Variants in ANKLE2 observed in about 807,000 individuals in gnomAD.
The protein encoded by ANKLE2 is ankyrin repeat and LEM domain containing 2, also known as ankyrin repeat and LEM domain-containing protein 2.
In ANKLE2, 55 loss-of-function variants were observed where a neutral mutation model predicts 84.2. The observed-to-expected ratio is 0.65, with a 90% confidence interval of 0.53 to 0.82. The LOEUF (loss-of-function observed/expected upper bound fraction) is 0.82. Among genes scored for constraint, ANKLE2 ranks in the 40% least tolerant of loss-of-function variants. The pLI is 0.00. For synonymous variants in ANKLE2, 551 were observed against 486.1 expected, an observed-to-expected ratio of 1.13 and a Z score of -1.76; for missense variants, 1,238 against 1,201.9, an observed-to-expected ratio of 1.03 and a Z score of -0.44.
chr12:132,732,947 T>G (rs1467373901), intron 10 of ANKLE2, among the ~76,000 whole-genome samples: 11 of 128,316 alleles, frequency 8.6e-5, no homozygotes, highest in African/African-American at 1.0e-4. Context: ...CGTGTGAAGC[T>G]CTCTGCGTCC....
At chr12:132,759,289 C>T (rs1017778772) in intron 1 of ANKLE2, 1 of 152,212 alleles carries the variant, frequency 6.6e-6, no homozygotes, top group African/African-American at 2.4e-5. Context: ...CAAGTTTAAC[C>T]ATTTGAGTTA....
chr12:132,741,376 C>T (rs370411720), intron 7 of ANKLE2, 43 bp downstream of exon 7: 1 of 1,601,390 alleles, frequency 6.2e-7, no homozygotes, highest in Non-Finnish European at 8.6e-7. Context: ...AAGGCCCTTC[C>T]CGGCGTGGAC....
chr12:132,747,876 T>C lies in ANKLE2; in HGVS notation c.1186A>G (p.Ile396Val). 1 of 1,611,582 alleles carries C rather than the reference T, an allele frequency of 6.2e-7. No individual in the cohort carries two copies. Among genetic ancestry groups the C allele is most frequent in the Non-Finnish European group, 8.5e-7 (1 of 1,179,382 alleles). ...AGGTACAGGTCCACCACGTAACGGA[T>C]ACGCTTCTGCAGCATGGCCTCGTCG... ...DDDEAMLQKR[I>V]RYVVDLYLNT... is the part of the protein sequence containing the mutation. The change falls in exon 5 of 13, where the codon ATC becomes GTC. Residue 396 changes from isoleucine to valine, a missense_variant. Coordinates refer to ENST00000357997, the MANE Select transcript of ANKLE2 (RefSeq NM_015114.3).
Position 132,726,931 on chromosome 12 carries a change from C to T in ANKLE2, c.*311G>A. On this transcript the variant is annotated 3_prime_UTR_variant, in exon 13 of 13. Transcript: ENST00000357997. ...GGGTAAGTACAGGGCTGCCTGCCTG[C>T]AACTGCCTCAGCGCCCTTTCCTCTG... 1 of 362,260 alleles carries T rather than the reference C, an allele frequency of 2.8e-6. No homozygotes were observed. Among genetic ancestry groups the T allele is most frequent in the Non-Finnish European group, 5.0e-6 (1 of 199,106 alleles). 22.4% of individuals were successfully genotyped at this position (362,260 alleles called of 1,614,324 possible).
At chr12:132,745,819 C>A in intron 5 of ANKLE2, 1 of 156,320 alleles carries the variant, frequency 6.4e-6, no homozygotes, top group South Asian at 1.7e-4. Flanking sequence ...AGCCGGAGCT[C>A]TGAGCAACAA....
At chr12:132,754,524 TA>T in intron 2 of ANKLE2, 150 bp downstream of exon 2, 1 of 715,104 alleles carries the variant, frequency 1.4e-6, no homozygotes, top group Non-Finnish European at 2.2e-6. Flanking sequence ...AAGTTCTACA[TA>T]AAAATGTTAA....
chr12:132,735,829 C>T lies in ANKLE2; in HGVS notation c.1594-317G>A, dbSNP rs116134839. On this transcript the variant is annotated intron_variant, in intron 8 of 12. Coordinates refer to ENST00000357997, the MANE Select transcript of ANKLE2 (RefSeq NM_015114.3). ...GGACGGCTCGGAGCTGCCACCCCGA[C>T]GCACATGTGACACTGCTCCCATCGC... Among the ~76,000 whole-genome samples, 394 of 152,334 alleles carry T rather than the reference C, an allele frequency of 2.6e-3. 3 individuals are homozygous for T. Among genetic ancestry groups the T allele is most frequent in the African/African-American group, 8.9e-3 (370 of 41,570 alleles).
At chr12:132,732,902 G>A (rs1272579968) in intron 10 of ANKLE2, among the ~76,000 whole-genome samples, 2 of 143,298 alleles carry the variant, frequency 1.4e-5, no homozygotes, top group Non-Finnish European at 3.0e-5. Flanking sequence ...AATGCACCGT[G>A]TGAAGCGCTC....
chr12:132,749,354 C>T (rs954510347), intron 3 of ANKLE2, among the ~76,000 whole-genome samples: 1 of 152,072 alleles, frequency 6.6e-6, no homozygotes, highest in South Asian at 2.1e-4. Flanking sequence ...CGGGGTTTCA[C>T]CATGTAGGCC....
chr12:132,730,049 G>A lies in ANKLE2; in HGVS notation c.2113C>T (p.Leu705=). 1 of 1,612,996 alleles carries A rather than the reference G, an allele frequency of 6.2e-7. No homozygotes were observed. The highest frequency in any genetic ancestry group is 8.5e-7 in the Non-Finnish European group (1 of 1,179,798). ...CCCGCCAGGGTCCTGCTGTGATTCA[G>A]AGGATGGCAGAGCCCATTTCTGCTG... ...HSSRNGLCHP[L]NHSRTLAGKR... The change falls in exon 11 of 13, where the codon CTG becomes TTG. Residue 705 remains leucine (L), a synonymous_variant. Coordinates refer to ENST00000357997, the MANE Select transcript of ANKLE2 (RefSeq NM_015114.3).
chr12:132,755,096 T>C lies in ANKLE2; in HGVS notation c.219A>G (p.Lys73=), dbSNP rs1249624260. 2 of 1,611,236 alleles carry C rather than the reference T, an allele frequency of 1.2e-6. No homozygotes were observed. Among genetic ancestry groups the C allele is most frequent in the Admixed American group, 3.3e-5 (2 of 59,914 alleles). Residue 73 remains lysine, a synonymous_variant, in exon 2 of 13, where the codon AAA becomes AAG. Transcript: ENST00000357997. ...CTCTAAGGTCATCTGGATTCAGAAG[T>C]TTCAATCGAGCCAACAGAGCATCCA... ...MTMDALLARL[K]LLNPDDLREE...
chr12:132,751,567 G>C (rs944307681), intron 2 of ANKLE2, among the ~76,000 whole-genome samples: 2 of 150,506 alleles, frequency 1.3e-5, no homozygotes, highest in Non-Finnish European at 3.0e-5. Flanking sequence ...TTTTGACATG[G>C]AGTCTCACTC....
At position 132,730,423 on chromosome 12, in the gene ANKLE2, C is replaced by T. The variant is rs76769827; in HGVS notation, c.1892-153G>A. On this transcript the variant is annotated intron_variant, in intron 10 of 12. Coordinates refer to ENST00000357997, the MANE Select transcript of ANKLE2 (RefSeq NM_015114.3). ...CCATCCGCGACCAACTGCCGTGACCCCAGCAACAGCAACTCTTGCATCCAA... is the reference window on the plus strand; with the variant it reads ...CCATCCGCGACCAACTGCCGTGACCTCAGCAACAGCAACTCTTGCATCCAA... The T allele has an allele frequency of 9.4e-4, 376 of 401,128 alleles. 1 individual carries two copies. The highest frequency in any genetic ancestry group is 5.1e-3 in the East Asian group (36 of 7,098). The allele number at this position is 401,128 out of a possible 1,614,324, so 24.8% of individuals were successfully genotyped here. A position where few individuals can be genotyped will look rare whatever the true frequency, so the allele number is the denominator to read the frequency against.
chr12:132,750,955 C>G, intron 2 of ANKLE2, 106 bp from the exon 3 acceptor site: 1 of 995,536 alleles, frequency 1.0e-6, no homozygotes. Flanking sequence ...GCTACCCAGT[C>G]GCCTGGCTTA....
Position 132,734,448 on chromosome 12 carries a change from T to A in ANKLE2, c.1828A>T (p.Lys610Ter). 6.2e-7 allele frequency: 1 copy of A among 1,614,188 alleles called. No individual in the cohort carries two copies. The highest frequency in any genetic ancestry group is 8.5e-7 in the Non-Finnish European group (1 of 1,180,030). ...TCTCCTGTTTCTTGTTGAGCCTTTT[T>A]GCCTATTTCCTGCTGTGTGAGATAT... ...EEYLTQQEIG[K>*]KAQQETGERE... The change falls in exon 10 of 13, where the codon AAA becomes TAA. Residue 610 changes from lysine to a stop codon, truncating the protein, a stop_gained. Transcript: ENST00000357997. LOFTEE classifies it high-confidence loss of function.
chr12:132,751,872 C>A (rs762553953), intron 2 of ANKLE2, among the ~76,000 whole-genome samples: 1 of 152,030 alleles, frequency 6.6e-6, no homozygotes, highest in South Asian at 2.1e-4. Context: ...TGCCAAGAAA[C>A]CATTCAAAAC....
rs1290667288 is a variant in ANKLE2 at position 132,726,235 on chromosome 12, C to T, written c.*1007G>A. The T allele has an allele frequency of 1.3e-5, 2 of 153,826 alleles. No individual in the cohort carries two copies. Among genetic ancestry groups the T allele is most frequent in the Admixed American group, 1.3e-4 (2 of 15,280 alleles). The allele number at this position is 153,826 out of a possible 1,614,324, so 9.5% of individuals were successfully genotyped here. On this transcript the variant is annotated 3_prime_UTR_variant, in exon 13 of 13. Transcript: ENST00000357997. ...GCACCTCCTGAACACCTCAGCGGCT[C>T]CTCACACATTCCAACCACAGACCTT...
intron 2 of ANKLE2, chr12:132,751,057 T>A (rs1593175422): frequency 1.8e-6 from 1 of 560,078 alleles, no homozygotes. Flanking sequence ...GCATGTAACA[T>A]GATATATATT....
chr12:132,739,406 C>G lies in ANKLE2; in HGVS notation c.1420+2013G>C, dbSNP rs371786433. On this transcript the variant is annotated intron_variant, in intron 7 of 12. Transcript: ENST00000357997. ...TTACTATCTTATATTTGGATGCATCCTATGTATGTTGGCATTTTACAGGTT... is the reference window on the plus strand; with the variant it reads ...TTACTATCTTATATTTGGATGCATCGTATGTATGTTGGCATTTTACAGGTT... Among the ~76,000 whole-genome samples, 31 of 152,170 alleles carry G rather than the reference C, an allele frequency of 2.0e-4. No homozygotes were observed. The South Asian group carries it at 6.4e-3, about 32-fold the overall frequency.
Sources: gnomAD v4.1 joint callset for allele counts (sites outside exome capture counted in the v4.1 genomes callset) on GRCh38, gnomAD v4.1.1 for gene constraint, MANE v1.5 for transcripts, NCBI Gene and HGNC (gene_info 2026-07-23, HGNC 2026-07-21) for gene names.